INTU: variants seen among roughly 807,000 people sequenced by gnomAD.
The protein encoded by INTU is protein inturned.
In INTU, 68 loss-of-function variants were observed where a neutral mutation model predicts 100.5. The ratio of observed to expected loss-of-function variants is 0.68; its 90% confidence interval spans 0.56 to 0.83. The LOEUF (loss-of-function observed/expected upper bound fraction) is 0.83. INTU is among the 40% of genes least tolerant of loss of function. INTU has a pLI of 0.00. For missense variants in INTU, 1,071 were observed against 1,114.7 expected (o/e 0.96, Z 0.56); for synonymous variants, 357 against 395.7 (o/e 0.90, Z 1.16).
rs1478778947 is a variant in INTU, at chr4:127,644,068, T to G, written c.682+12T>G. ...TCAGGTACTCATTGGTAAGTGTTGC[T>G]GGTACACATCCATCCCTGTTTACAG... On this transcript the variant is annotated intron_variant, in intron 2 of 15. Coordinates refer to ENST00000335251, the MANE Select transcript of INTU (RefSeq NM_015693.4). 2 of 1,605,098 alleles carry G rather than the reference T, an allele frequency of 1.2e-6. No individual in the cohort carries two copies. The highest frequency in any genetic ancestry group is 1.7e-6 in the Non-Finnish European group (2 of 1,174,382).
chr4:127,653,608 C>G (rs1423895469), intron 2 of INTU, among the ~76,000 whole-genome samples: 1 of 151,910 alleles, frequency 6.6e-6, no homozygotes, highest in Non-Finnish European at 1.5e-5. Context: ...AATTTCTGTC[C>G]TTTTACATTT....
intron 5 of INTU, among the ~76,000 whole-genome samples, 154 bp downstream of exon 5, chr4:127,669,308 G>A (rs959260336): frequency 1.3e-5 from 2 of 151,308 alleles, no homozygotes; most frequent in African/African-American, 2.4e-5. Context: ...GTATATACAC[G>A]TATATATCTA....
At chr4:127,670,060 A>AT (rs1354495865) in intron 5 of INTU, among the ~76,000 whole-genome samples, 1 of 151,962 alleles carries the variant, frequency 6.6e-6, no homozygotes, top group Non-Finnish European at 1.5e-5. Flanking sequence ...ATAGAGTCAA[A>AT]TACCCATTCC....
intron 2 of INTU, among the ~76,000 whole-genome samples, chr4:127,656,115 C>G (rs927993709): frequency 2.0e-5 from 3 of 152,260 alleles, no homozygotes; most frequent in South Asian, 2.1e-4. Context: ...GACCTACGCC[C>G]ACTGTCTGGT....
rs1171459868 is a variant in INTU, at chr4:127,717,853, C to T, written c.*1417C>T. ...AATGCGGTTCTATTTTTTCTTGTAA[C>T]TTGGTTTGAGTTCCTTGTAGATCCT... is the stretch of plus-strand genomic sequence containing the variant. On this transcript the variant is annotated 3_prime_UTR_variant, in exon 16 of 16. Transcript: ENST00000335251. 6.6e-6 allele frequency: 1 copy of T among 151,662 alleles called. No homozygotes were observed. Among genetic ancestry groups the T allele is most frequent in the Non-Finnish European group, 1.5e-5 (1 of 67,858 alleles). The allele number at this position is 151,662 out of a possible 1,614,324, so 9.4% of individuals were successfully genotyped here.
At chr4:127,635,251 A>G (rs1223425793) in intron 1 of INTU, among the ~76,000 whole-genome samples, 1 of 152,124 alleles carries the variant, frequency 6.6e-6, no homozygotes, top group Non-Finnish European at 1.5e-5. Context: ...TTTGTTAGAG[A>G]ATAAGAGTTT....
chr4:127,657,529 G>A (rs566274946), intron 3 of INTU, among the ~76,000 whole-genome samples: 2 of 152,218 alleles, frequency 1.3e-5, no homozygotes, highest in African/African-American at 2.4e-5. Flanking sequence ...CAGGAAGTGA[G>A]CAGTGGGCAA....
At chr4:127,681,738 A>C (rs1178226613) in intron 6 of INTU, among the ~76,000 whole-genome samples, 3 of 152,170 alleles carry the variant, frequency 2.0e-5, no homozygotes, top group Admixed American at 6.5e-5. Context: ...GCAACAAAAG[A>C]CAAAATTGAC....
intron 4 of INTU, among the ~76,000 whole-genome samples, chr4:127,668,367 A>T (rs2126205678): frequency 6.6e-6 from 1 of 152,086 alleles, no homozygotes; most frequent in South Asian, 2.1e-4. Flanking sequence ...AGTATTTTCC[A>T]TGATTTAAAA....
At chr4:127,667,080 A>C (rs569024417) in intron 4 of INTU, among the ~76,000 whole-genome samples, 1 of 152,302 alleles carries the variant, frequency 6.6e-6, no homozygotes, top group African/African-American at 2.4e-5. Context: ...TGAAATATTT[A>C]AGCATTTGTT....
intron 1 of INTU, 87 bp from the exon 2 acceptor site, chr4:127,643,434 C>A: frequency 1.9e-6 from 2 of 1,044,154 alleles, no homozygotes; most frequent in South Asian, 1.9e-5. Context: ...TGCTCCCCAG[C>A]CCCAACCCTC....
intron 2 of INTU, among the ~76,000 whole-genome samples, chr4:127,653,594 T>C (rs1340644100): frequency 6.6e-6 from 1 of 152,162 alleles, no homozygotes; most frequent in Non-Finnish European, 1.5e-5. Context: ...AGATAGTTTG[T>C]TATAATTTCT....
rs761746987 is a variant in INTU at position 127,656,626 on chromosome 4, C to A, written c.683-10C>A. On this transcript the variant is annotated splice_polypyrimidine_tract_variant and intron_variant, in intron 2 of 15. Transcript: ENST00000335251. ...CATAAAACTATCTTTTATTGTTATT[C>A]TGGTTTCAGGTGATGTCCTTGTTGC... 18 of 1,590,440 alleles carry A rather than the reference C, an allele frequency of 1.1e-5. No homozygotes were observed. The Admixed American group carries it at 3.0e-4, about 27-fold the overall frequency.
In INTU at chr4:127,685,382, C is replaced by T. The variant is rs189661836; in HGVS notation, c.1259+896C>T. ...AGGCAGTTTATACATTTTTCCAAAC[C>T]ATAGTGATATCAGCTCTCTGTTTAT... On this transcript the variant is annotated intron_variant, in intron 7 of 15. Transcript: ENST00000335251. The T allele has an allele frequency of 6.7e-6, 3 of 449,022 alleles. No homozygotes were observed. In the East Asian group the frequency reaches 2.1e-4, roughly 32 times the overall value. The allele number at this position is 449,022 out of a possible 1,614,324, so 27.8% of individuals were successfully genotyped here. A position where few individuals can be genotyped will look rare whatever the true frequency, so the allele number is the denominator to read the frequency against.
chr4:127,668,534 G>C (rs58900962), intron 4 of INTU, among the ~76,000 whole-genome samples: 2,657 of 151,656 alleles, frequency 0.018, 69 homozygotes, highest in African/African-American at 0.06. Context: ...TTTAATTGCT[G>C]TCTTGGCTTG....
At position 127,650,891 on chromosome 4, in the gene INTU, C is replaced by T. The variant is rs188912228; in HGVS notation, c.683-5745C>T. The stretch of plus-strand genomic sequence containing the variant: ...ATCCTGTCCAGCACCTGTTGTTTCC[C>T]GGCTTTTTAATGATTGCCATTCTAA... On this transcript the variant is annotated intron_variant, in intron 2 of 15. Transcript: ENST00000335251. Among the ~76,000 whole-genome samples, 1,497 of 152,160 alleles carry T rather than the reference C, an allele frequency of 9.8e-3. 29 individuals are homozygous for T. Among genetic ancestry groups the T allele is most frequent in the African/African-American group, 0.033 (1,374 of 41,486 alleles).
intron 2 of INTU, among the ~76,000 whole-genome samples, chr4:127,656,405 G>A (rs942349624): frequency 6.6e-6 from 1 of 152,082 alleles, no homozygotes; most frequent in Non-Finnish European, 1.5e-5. Flanking sequence ...TTCATAGGTT[G>A]TATTATTTAT....
At chr4:127,701,992 GA>G (rs1730670293) in intron 9 of INTU, among the ~76,000 whole-genome samples, 1 of 152,074 alleles carries the variant, frequency 6.6e-6, no homozygotes, top group Non-Finnish European at 1.5e-5. Context: ...TTGAGTAATG[GA>G]AAATGTTTAG....
rs1356719106 is a variant in INTU at position 127,647,852 on chromosome 4, G to A, written c.682+3796G>A. On this transcript the variant is annotated intron_variant, in intron 2 of 15. Coordinates refer to ENST00000335251, the MANE Select transcript of INTU (RefSeq NM_015693.4). ...TCTTTTGTCAAAAATAATTTAAGTT[G>A]TATATTCATTTTATATATAGTATAA... 4.6e-5 allele frequency among the ~76,000 whole-genome samples: 7 copies of A among 152,100 alleles called. No homozygotes were observed. The South Asian group carries it at 1.5e-3, about 32-fold the overall frequency.
Sources: gnomAD v4.1 joint callset for allele counts (sites outside exome capture counted in the v4.1 genomes callset) on GRCh38, gnomAD v4.1.1 for gene constraint, MANE v1.5 for transcripts, NCBI Gene and HGNC (gene_info 2026-07-23, HGNC 2026-07-21) for gene names.